Variants in PKNOX2 observed in about 807,000 individuals in gnomAD.
PKNOX2 encodes PBX/knotted 1 homeobox 2.
In PKNOX2, 14 loss-of-function variants were observed where a neutral mutation model predicts 53.1. The observed-to-expected ratio is 0.26, with a 90% confidence interval of 0.17 to 0.41. The LOEUF (loss-of-function observed/expected upper bound fraction) is 0.41. Ranked by LOEUF, PKNOX2 falls within the 10% of genes least tolerant of loss-of-function variation. The probability of loss-of-function intolerance (pLI) is 1.00; values close to 1 mark genes in which losing one functional copy is unlikely to be tolerated. For synonymous variants in PKNOX2, 257 were observed against 242.8 expected, an observed-to-expected ratio of 1.06 and a Z score of -0.54; for missense variants, 496 against 602.8, an observed-to-expected ratio of 0.82 and a Z score of 1.85.
chr11:125,175,883 C>T (rs67250242), intron 1 of PKNOX2, among the ~76,000 whole-genome samples: 40,596 of 152,094 alleles, frequency 0.27, 5,570 homozygotes, highest in Middle Eastern at 0.33. Flanking sequence ...TAAATGACAG[C>T]GCCTACACCG....
intron 10 of PKNOX2, among the ~76,000 whole-genome samples, chr11:125,421,291 T>G (rs1384412004): frequency 6.6e-6 from 1 of 152,192 alleles, no homozygotes; most frequent in Non-Finnish European, 1.5e-5. Flanking sequence ...AAAGGTTCTT[T>G]GACAATCATC....
chr11:125,414,261 G>A (rs983748612), intron 10 of PKNOX2, among the ~76,000 whole-genome samples: 2 of 152,304 alleles, frequency 1.3e-5, no homozygotes, highest in East Asian at 3.9e-4. Flanking sequence ...ACCAGGGATA[G>A]GGTAGAGGAC....
chr11:125,313,907 G>A (rs890447027), intron 2 of PKNOX2, among the ~76,000 whole-genome samples: 1 of 152,198 alleles, frequency 6.6e-6, no homozygotes, highest in Non-Finnish European at 1.5e-5. Flanking sequence ...GGGCTAAGAT[G>A]CAATTGGATG....
chr11:125,330,590 C>G (rs1950083448), intron 2 of PKNOX2, among the ~76,000 whole-genome samples: 1 of 152,120 alleles, frequency 6.6e-6, no homozygotes, highest in Admixed American at 6.5e-5. Flanking sequence ...CACCTCCCAG[C>G]ACCCTTGGCT....
At chr11:125,270,416 C>T (rs949253601) in intron 2 of PKNOX2, among the ~76,000 whole-genome samples, 2 of 152,114 alleles carry the variant, frequency 1.3e-5, no homozygotes, top group Admixed American at 1.3e-4. Context: ...GGGCCCAGAC[C>T]TGGGGCTGAA....
At chr11:125,197,829 C>T (rs1937919807) in intron 1 of PKNOX2, among the ~76,000 whole-genome samples, 1 of 152,188 alleles carries the variant, frequency 6.6e-6, no homozygotes, top group Admixed American at 6.5e-5. Flanking sequence ...CAGGGTGGGT[C>T]ATCTCGGTAT....
chr11:125,296,916 G>A (rs4935917), intron 2 of PKNOX2, among the ~76,000 whole-genome samples: 31,932 of 152,154 alleles, frequency 0.21, 4,272 homozygotes, highest in South Asian at 0.33. Flanking sequence ...TTACAGGGGC[G>A]AGCCATGGCG....
At chr11:125,406,261 C>T (rs3740896) in intron 7 of PKNOX2, among the ~76,000 whole-genome samples, 55,743 of 152,086 alleles carry the variant, frequency 0.37, 11,022 homozygotes, top group Middle Eastern at 0.49. Flanking sequence ...CTCCATTCCA[C>T]GGCTCTAGAG....
intron 2 of PKNOX2, among the ~76,000 whole-genome samples, chr11:125,308,826 C>A (rs1228578506): frequency 6.6e-6 from 1 of 152,158 alleles, no homozygotes; most frequent in African/African-American, 2.4e-5. Context: ...GTCTCTCTGT[C>A]CCTTCCACCC....
intron 2 of PKNOX2, among the ~76,000 whole-genome samples, chr11:125,328,395 GAGAGAC>G (rs60073521): frequency 1.1e-4 from 16 of 150,670 alleles, no homozygotes; most frequent in East Asian, 1.9e-4. Context: ...GAGAGAGAAA[GAGAGAC>G]AGAGACAGAG....
chr11:125,248,391 T>C (rs1012079492), intron 2 of PKNOX2, among the ~76,000 whole-genome samples: 2 of 152,192 alleles, frequency 1.3e-5, no homozygotes, highest in Non-Finnish European at 2.9e-5. Context: ...AGGACACTGA[T>C]ACTCTACAGG....
At position 125,340,271 on chromosome 11, in the gene PKNOX2, C is replaced by A. The variant is rs145983543; in HGVS notation, c.-23+8346C>A. Among the ~76,000 whole-genome samples, 403 of 152,264 alleles carry A rather than the reference C, an allele frequency of 2.6e-3. 2 individuals carry two copies. Among genetic ancestry groups the A allele is most frequent in the Non-Finnish European group, 1.8e-3 (121 of 68,032 alleles). ...CAGTATAACATGATGCTTGGAAAAT[C>A]AGGGCATAGGAAAGTCAAAGGACAG... On this transcript the variant is annotated intron_variant, in intron 3 of 12. Coordinates refer to ENST00000298282, the MANE Select transcript of PKNOX2 (RefSeq NM_001382323.2).
intron 1 of PKNOX2, among the ~76,000 whole-genome samples, chr11:125,199,724 T>A (rs1365519357): frequency 2.0e-5 from 3 of 152,162 alleles, no homozygotes; most frequent in African/African-American, 7.2e-5. Flanking sequence ...CAGGTGCCTG[T>A]AATACCAGCT....
intron 1 of PKNOX2, among the ~76,000 whole-genome samples, chr11:125,204,961 C>A (rs1938904586): frequency 6.6e-6 from 1 of 152,240 alleles, no homozygotes; most frequent in East Asian, 1.9e-4. Flanking sequence ...CATGTCTGAT[C>A]TTTCCTTGTA....
At chr11:125,245,230 A>T (rs1002913873) in intron 2 of PKNOX2, among the ~76,000 whole-genome samples, 3 of 152,044 alleles carry the variant, frequency 2.0e-5, no homozygotes, top group Non-Finnish European at 4.4e-5. Flanking sequence ...CAAGTGTTAT[A>T]CTTTAGGAGT....
chr11:125,263,899 A>C (rs991507747), intron 2 of PKNOX2, among the ~76,000 whole-genome samples: 3 of 152,174 alleles, frequency 2.0e-5, no homozygotes, highest in Non-Finnish European at 4.4e-5. Flanking sequence ...AAGTCCTGGA[A>C]TGGCGTATAA....
At chr11:125,301,674 ATTG>A (rs954430757) in intron 2 of PKNOX2, among the ~76,000 whole-genome samples, 1 of 152,092 alleles carries the variant, frequency 6.6e-6, no homozygotes, top group African/African-American at 2.4e-5. Context: ...AAGATCATCT[ATTG>A]TTTCATTAAA....
At chr11:125,177,000 G>C (rs557209034) in intron 1 of PKNOX2, among the ~76,000 whole-genome samples, 11 of 152,294 alleles carry the variant, frequency 7.2e-5, no homozygotes, top group Middle Eastern at 3.4e-3. Context: ...ATAACCTTGC[G>C]ATGTTCATGT....
intron 5 of PKNOX2, among the ~76,000 whole-genome samples, chr11:125,371,647 G>A (rs918289502): frequency 4.6e-5 from 7 of 152,138 alleles, no homozygotes; most frequent in Non-Finnish European, 7.4e-5. Context: ...GGCCAGGTGC[G>A]GGTGGGGGAG....
Sources: gnomAD v4.1 joint callset for allele counts (sites outside exome capture counted in the v4.1 genomes callset) on GRCh38, gnomAD v4.1.1 for gene constraint, MANE v1.5 for transcripts, NCBI Gene and HGNC (gene_info 2026-07-23, HGNC 2026-07-21) for gene names.